The following CCDC91 variants were observed in gnomAD, a reference collection of about 807,000 sequenced individuals.
CCDC91 encodes coiled-coil domain containing 91, also known as coiled-coil domain-containing protein 91.
In CCDC91, 48 loss-of-function variants were observed where a neutral mutation model predicts 63.2. The ratio of observed to expected loss-of-function variants is 0.76; its 90% CI spans 0.60 to 0.97. The LOEUF (loss-of-function observed/expected upper bound fraction) is 0.97. Ranked by LOEUF, CCDC91 falls within the 50% of genes least tolerant of loss-of-function variation. The pLI is 0.00. For missense variants in CCDC91, 500 were observed against 494.6 expected, an observed-to-expected ratio of 1.01 and a Z score of -0.10; for synonymous variants, 167 against 165.8, an observed-to-expected ratio of 1.01 and a Z score of -0.06.
chr12:28,205,367 A>G (rs1259709585), intron 1 of CCDC91, among the ~76,000 whole-genome samples: 1 of 152,168 alleles, frequency 6.6e-6, no homozygotes, highest in Non-Finnish European at 1.5e-5. Flanking sequence ...AAAAAATGAC[A>G]GGTTATTCAT....
At chr12:28,306,981 C>T in intron 5 of CCDC91, 36 bp downstream of exon 5, 1 of 1,310,888 alleles carries the variant, frequency 7.6e-7, no homozygotes, top group Non-Finnish European at 1.1e-6. Context: ...GTTTGAATTG[C>T]AAATATTAGA....
intron 11 of CCDC91, among the ~76,000 whole-genome samples, chr12:28,457,390 A>G (rs1950103051): frequency 6.6e-6 from 1 of 151,526 alleles, no homozygotes; most frequent in African/African-American, 2.4e-5. Context: ...GTTCTTTTAA[A>G]GAAAACTAAA....
At chr12:28,524,105 C>T (rs1273610806) in intron 12 of CCDC91, among the ~76,000 whole-genome samples, 5 of 151,948 alleles carry the variant, frequency 3.3e-5, no homozygotes, top group East Asian at 3.9e-4. Flanking sequence ...GTGGATCTCT[C>T]GGCCAAAATT....
intron 6 of CCDC91, among the ~76,000 whole-genome samples, chr12:28,351,262 T>C (rs1943162162): frequency 6.6e-6 from 1 of 152,180 alleles, no homozygotes; most frequent in African/African-American, 2.4e-5. Flanking sequence ...AAACAAGTCA[T>C]CTGCTTTCAG....
chr12:28,201,126 G>T (rs1298378831), intron 1 of CCDC91, among the ~76,000 whole-genome samples: 1 of 150,770 alleles, frequency 6.6e-6, no homozygotes, highest in Non-Finnish European at 1.5e-5. Context: ...GCCGGGCGGG[G>T]GGCTGACCCC....
intron 12 of CCDC91, among the ~76,000 whole-genome samples, chr12:28,499,257 C>A (rs918407634): frequency 2.0e-5 from 3 of 151,640 alleles, no homozygotes; most frequent in Non-Finnish European, 3.0e-5. Context: ...TGAGCAACTT[C>A]TGTTGGTTAA....
At chr12:28,402,856 C>T (rs898844263) in intron 8 of CCDC91, among the ~76,000 whole-genome samples, 6 of 151,948 alleles carry the variant, frequency 3.9e-5, no homozygotes, top group East Asian at 1.9e-4. Context: ...TAATCATGAA[C>T]GTGTGTTGGA....
chr12:28,473,820 A>G (rs1419798719), intron 11 of CCDC91, among the ~76,000 whole-genome samples: 1 of 152,196 alleles, frequency 6.6e-6, no homozygotes, highest in South Asian at 2.1e-4. Context: ...AGCTATTCCA[A>G]ACAAGCTCCT....
chr12:28,265,994 A>G (rs1947159855), intron 3 of CCDC91, among the ~76,000 whole-genome samples: 2 of 152,002 alleles, frequency 1.3e-5, no homozygotes, highest in Non-Finnish European at 1.5e-5. Flanking sequence ...AATTTGTCAC[A>G]TATCTTCTTT....
chr12:28,300,718 G>A (rs547284104), intron 3 of CCDC91, among the ~76,000 whole-genome samples: 29 of 151,546 alleles, frequency 1.9e-4, no homozygotes, highest in African/African-American at 4.8e-4. Flanking sequence ...GGATTTTTAT[G>A]ATATTTAGAT....
At chr12:28,329,003 A>G (rs1941263623) in intron 6 of CCDC91, among the ~76,000 whole-genome samples, 1 of 152,166 alleles carries the variant, frequency 6.6e-6, no homozygotes, top group African/African-American at 2.4e-5. Flanking sequence ...AAAATTGTAA[A>G]CCATTTACTT....
intron 11 of CCDC91, among the ~76,000 whole-genome samples, chr12:28,458,248 T>C (rs1217902020): frequency 2.0e-5 from 3 of 152,062 alleles, no homozygotes; most frequent in African/African-American, 7.2e-5. Context: ...TAGATGATAA[T>C]AAAATCATAA....
intron 1 of CCDC91, among the ~76,000 whole-genome samples, chr12:28,222,230 A>C (rs1943995432): frequency 6.6e-6 from 1 of 152,060 alleles, no homozygotes. Context: ...TGTAATTCAT[A>C]TTTCCTTCCA....
chr12:28,272,560 A>G (rs372782096), intron 3 of CCDC91, among the ~76,000 whole-genome samples: 1 of 151,966 alleles, frequency 6.6e-6, no homozygotes, highest in East Asian at 1.9e-4. Context: ...AGGTGATGTA[A>G]ATCTGTCCAT....
At chr12:28,304,069 G>A (rs1388902853) in intron 3 of CCDC91, among the ~76,000 whole-genome samples, 1 of 151,874 alleles carries the variant, frequency 6.6e-6, no homozygotes, top group African/African-American at 2.4e-5. Context: ...TCACTTTTCT[G>A]TATTTGAGTT....
At chr12:28,307,838 G>A in intron 6 of CCDC91, 89 bp downstream of exon 6, 1 of 710,894 alleles carries the variant, frequency 1.4e-6, no homozygotes, top group Non-Finnish European at 2.4e-6. Flanking sequence ...AATATCTTAT[G>A]AATGAAGAAT....
chr12:28,209,187 C>T (rs1303052985), intron 1 of CCDC91, among the ~76,000 whole-genome samples: 1 of 152,184 alleles, frequency 6.6e-6, no homozygotes, highest in Non-Finnish European at 1.5e-5. Flanking sequence ...CTATTAATGT[C>T]AATCCCAATT....
At chr12:28,398,604 G>C (rs1946430465) in intron 8 of CCDC91, among the ~76,000 whole-genome samples, 1 of 152,050 alleles carries the variant, frequency 6.6e-6, no homozygotes, top group Non-Finnish European at 1.5e-5. Context: ...TTTTTCCAAA[G>C]TTTTATTATA....
At chr12:28,350,641 C>A (rs1943118982) in intron 6 of CCDC91, among the ~76,000 whole-genome samples, 5 of 152,164 alleles carry the variant, frequency 3.3e-5, no homozygotes, top group Admixed American at 3.3e-4. Context: ...GAAATCTATT[C>A]TCTCACAGTT....
Sources: gnomAD v4.1 joint callset for allele counts (sites outside exome capture counted in the v4.1 genomes callset) on GRCh38, gnomAD v4.1.1 for gene constraint, MANE v1.5 for transcripts, NCBI Gene and HGNC (gene_info 2026-07-23, HGNC 2026-07-21) for gene names.